MAGI3: variants seen among roughly 807,000 people sequenced by gnomAD.
MAGI3 encodes the protein membrane-associated guanylate kinase, WW and PDZ domain-containing protein 3.
In MAGI3, 43 loss-of-function variants were observed where a neutral mutation model predicts 121.8. That is an observed-to-expected ratio of 0.35 (90% CI 0.28 to 0.46). MAGI3 has a LOEUF of 0.46. MAGI3 is among the 20% of genes least tolerant of loss of function. MAGI3 has a pLI of 1.00. For missense variants in MAGI3, 1,547 were observed against 1,797.3 expected, an observed-to-expected ratio of 0.86 and a Z score of 2.52; for synonymous variants, 553 against 639.3, an observed-to-expected ratio of 0.86 and a Z score of 2.04.
At chr1:113,588,290 C>T (rs1648498469) in intron 4 of MAGI3, among the ~76,000 whole-genome samples, 1 of 152,080 alleles carries the variant, frequency 6.6e-6, no homozygotes, top group South Asian at 2.1e-4. Flanking sequence ...TGGGAACATA[C>T]CTAGAATATT....
intron 1 of MAGI3, among the ~76,000 whole-genome samples, chr1:113,454,648 C>A (rs1212644992): frequency 2.6e-5 from 4 of 152,120 alleles, no homozygotes; most frequent in African/African-American, 7.2e-5. Context: ...CTCCCCTAGC[C>A]CCCCATCCCT....
chr1:113,416,138 A>G (rs1324730029), intron 1 of MAGI3, among the ~76,000 whole-genome samples: 1 of 54,292 alleles, frequency 1.8e-5, no homozygotes, highest in African/African-American at 9.8e-5. Flanking sequence ...GACACATATT[A>G]ATTATGTAAT....
At chr1:113,516,185 CTTG>C (rs1217912871) in intron 1 of MAGI3, among the ~76,000 whole-genome samples, 1 of 151,834 alleles carries the variant, frequency 6.6e-6, no homozygotes, top group Admixed American at 6.6e-5. Context: ...CACATATTTC[CTTG>C]TTCTGTCAGC....
chr1:113,654,502 AC>A (rs1480571298), intron 15 of MAGI3, among the ~76,000 whole-genome samples: 20 of 152,158 alleles, frequency 1.3e-4, no homozygotes, highest in Non-Finnish European at 2.8e-4. Context: ...GCTATAAATT[AC>A]CCTTGTTGAA....
intron 8 of MAGI3, among the ~76,000 whole-genome samples, chr1:113,621,631 A>G (rs576894725): frequency 1.8e-4 from 27 of 152,204 alleles, no homozygotes; most frequent in African/African-American, 6.5e-4. Context: ...GAAATAACCC[A>G]AATGTCCATC....
At chr1:113,552,252 G>GT (rs914323941) in intron 2 of MAGI3, among the ~76,000 whole-genome samples, 3 of 151,984 alleles carry the variant, frequency 2.0e-5, no homozygotes, top group Admixed American at 2.0e-4. Context: ...TTCTTTACTC[G>GT]TTTTCCCAGC....
At chr1:113,586,528 A>G (rs905221713) in intron 4 of MAGI3, among the ~76,000 whole-genome samples, 16 of 152,182 alleles carry the variant, frequency 1.1e-4, no homozygotes, top group African/African-American at 3.9e-4. Flanking sequence ...CTTTCACATA[A>G]TACGTTTAAT....
intron 1 of MAGI3, among the ~76,000 whole-genome samples, chr1:113,423,789 T>G (rs1652854677): frequency 6.6e-6 from 1 of 152,120 alleles, no homozygotes; most frequent in Admixed American, 6.5e-5. Flanking sequence ...GGACCGTCCC[T>G]TTCCCGCCTG....
At chr1:113,480,392 C>T (rs925652475) in intron 1 of MAGI3, among the ~76,000 whole-genome samples, 3 of 152,250 alleles carry the variant, frequency 2.0e-5, no homozygotes, top group South Asian at 2.1e-4. Flanking sequence ...GCTGTCTGGC[C>T]GAGTGCCTGG....
chr1:113,657,041 T>C (rs1653513017), intron 15 of MAGI3, among the ~76,000 whole-genome samples: 1 of 152,214 alleles, frequency 6.6e-6, no homozygotes, highest in African/African-American at 2.4e-5. Flanking sequence ...AAGGGAACAT[T>C]TCCAGTTACT....
intron 1 of MAGI3, among the ~76,000 whole-genome samples, chr1:113,416,284 TATTA>T (rs1395037235): frequency 7.2e-5 from 2 of 27,864 alleles, no homozygotes; most frequent in African/African-American, 2.1e-4. Flanking sequence ...TAATTACACA[TATTA>T]ATTATGTAAT....
chr1:113,650,909 G>T, intron 13 of MAGI3, 105 bp from the exon 14 acceptor site: 2 of 1,000,222 alleles, frequency 2.0e-6, no homozygotes, highest in South Asian at 1.5e-5. Flanking sequence ...TTTCATAGTT[G>T]AACTGCAAAA....
intron 1 of MAGI3, among the ~76,000 whole-genome samples, chr1:113,430,462 G>T (rs1287155231): frequency 6.6e-6 from 1 of 152,132 alleles, no homozygotes; most frequent in East Asian, 1.9e-4. Flanking sequence ...AGTCATATAT[G>T]GCATTTGGCT....
chr1:113,456,867 T>TC (rs1331323668), intron 1 of MAGI3, among the ~76,000 whole-genome samples: 23 of 151,090 alleles, frequency 1.5e-4, no homozygotes, highest in Non-Finnish European at 2.1e-4. Context: ...TTTTTTTTTT[T>TC]CCAAGTTCTA....
At chr1:113,578,199 G>T (rs1159072298) in intron 2 of MAGI3, among the ~76,000 whole-genome samples, 4 of 152,064 alleles carry the variant, frequency 2.6e-5, no homozygotes, top group Non-Finnish European at 4.4e-5. Context: ...ATGGTAGCAG[G>T]AGCATTCCAA....
intron 9 of MAGI3, among the ~76,000 whole-genome samples, chr1:113,639,979 C>G (rs1407716005): frequency 6.6e-6 from 1 of 152,158 alleles, no homozygotes; most frequent in Non-Finnish European, 1.5e-5. Flanking sequence ...TGCGCCTGGC[C>G]TGAGCCACCA....
intron 1 of MAGI3, among the ~76,000 whole-genome samples, chr1:113,433,121 G>A (rs1282875532): frequency 3.3e-5 from 5 of 152,172 alleles, no homozygotes; most frequent in Admixed American, 2.6e-4. Flanking sequence ...TTTTAATGAG[G>A]GTAAGCATAA....
At chr1:113,608,467 T>C (rs1205961830) in intron 6 of MAGI3, among the ~76,000 whole-genome samples, 1 of 152,208 alleles carries the variant, frequency 6.6e-6, no homozygotes, top group Non-Finnish European at 1.5e-5. Context: ...TAGCCCTGCA[T>C]GTACATGGCC....
At chr1:113,435,589 A>AT (rs1357451457) in intron 1 of MAGI3, among the ~76,000 whole-genome samples, 1 of 152,088 alleles carries the variant, frequency 6.6e-6, no homozygotes, top group South Asian at 2.1e-4. Context: ...TTATTTACTG[A>AT]TTCATTCTTG....
Sources: gnomAD v4.1 joint callset for allele counts (sites outside exome capture counted in the v4.1 genomes callset) on GRCh38, gnomAD v4.1.1 for gene constraint, MANE v1.5 for transcripts, NCBI Gene and HGNC (gene_info 2026-07-23, HGNC 2026-07-21) for gene names.